Variants in PLA2G4F observed in about 807,000 individuals in gnomAD.
PLA2G4F encodes the protein phospholipase A2 group IVF, also known as cytosolic phospholipase A2 zeta.
In PLA2G4F, 105 loss-of-function variants were observed where a neutral mutation model predicts 103.1. The ratio of observed to expected loss-of-function variants is 1.02; its 90% confidence interval spans 0.87 to 1.20. The LOEUF (loss-of-function observed/expected upper bound fraction) is 1.20. Among genes scored for constraint, PLA2G4F ranks in the 50% most tolerant of loss-of-function variants. The pLI is 0.00. For missense variants in PLA2G4F, 1,155 were observed against 1,075.9 expected (o/e 1.07, Z -1.03); for synonymous variants, 468 against 441.1 (o/e 1.06, Z -0.76).
chr15:42,149,218 CAG>C (rs2140809266), intron 11 of PLA2G4F: 2 of 946,390 alleles, frequency 2.1e-6, no homozygotes, highest in Non-Finnish European at 2.5e-6. Flanking sequence ...TATTTGGAAA[CAG>C]GGCCTACAAG....
In PLA2G4F at chr15:42,145,727, C is replaced by G. The variant is rs542362062; in HGVS notation, c.1672+39G>C. The G allele has an allele frequency of 1.0e-4, 167 of 1,613,480 alleles. 3 individuals carry two copies. The Middle Eastern group carries it at 2.8e-3, about 27-fold the overall frequency. On this transcript the variant is annotated intron_variant, in intron 15 of 19. Coordinates refer to ENST00000397272, the MANE Select transcript of PLA2G4F (RefSeq NM_213600.4). Reference sequence around the variant, plus strand: ...CCCACCCCACGTCAGGGCCTGGCCCCGGCACCTGCCTGTCCCCAGCCCTCC... The same window carrying G: ...CCCACCCCACGTCAGGGCCTGGCCCGGGCACCTGCCTGTCCCCAGCCCTCC...
At chr15:42,147,386 C>T in intron 12 of PLA2G4F, 40 bp from the exon 13 acceptor site, 1 of 1,566,636 alleles carries the variant, frequency 6.4e-7, no homozygotes, top group South Asian at 1.1e-5. Flanking sequence ...GGCAGGAGAG[C>T]ACAGCCACGG....
chr15:42,141,947 T>C lies in PLA2G4F; in HGVS notation c.*37A>G, dbSNP rs1244490503. On this transcript the variant is annotated 3_prime_UTR_variant, in exon 20 of 20. Coordinates refer to ENST00000397272, the MANE Select transcript of PLA2G4F (RefSeq NM_213600.4). ...ACAAGCCCTGACCATGAGCAGTGTGTCTCCTCTCTGTCACAGTCCTCCGCT... is the reference window on the plus strand; with the variant it reads ...ACAAGCCCTGACCATGAGCAGTGTGCCTCCTCTCTGTCACAGTCCTCCGCT... 1.3e-6 allele frequency: 2 copies of C among 1,571,186 alleles called. No homozygotes were observed. The highest frequency in any genetic ancestry group is 1.7e-6 in the Non-Finnish European group (2 of 1,145,430).
Position 42,142,041 on chromosome 15 carries a change from C to T in PLA2G4F, c.2493G>A (p.Lys831=). The change falls in exon 20 of 20, where the codon AAG becomes AAA. Residue 831 remains lysine (K), a synonymous_variant. Transcript: ENST00000397272. ...YNVLNNVETL[K]CALQLALDRH... is the part of the protein sequence containing the mutation. Reference sequence around the variant, plus strand: ...GGTCCAGAGCCAGCTGGAGGGCGCACTTCAAGGTCTCCACGTTGTTCAGGA... The same window carrying T: ...GGTCCAGAGCCAGCTGGAGGGCGCATTTCAAGGTCTCCACGTTGTTCAGGA... 2 of 1,614,184 alleles carry T rather than the reference C, an allele frequency of 1.2e-6. No homozygotes were observed. The highest frequency in any genetic ancestry group is 1.7e-6 in the Non-Finnish European group (2 of 1,180,040).
In PLA2G4F at chr15:42,146,172, T is replaced by A; in HGVS notation, c.1489A>T (p.Thr497Ser). Residue 497 changes from threonine to serine, a missense_variant, in exon 14 of 20, where the codon ACC becomes TCC. Physicochemically the swap from Thr to Ser is moderately conservative, Grantham distance 58 (BLOSUM62 1). Transcript: ENST00000397272. ...AAGTTGGTGCGGACGTTGACACTGG[T>A]GTAAATGGGGTAAGGGTTCTGACCC... Reference protein sequence around the residue: ...RQGQNPYPIYTSVNVRTNLSG... With the variant: ...RQGQNPYPIYSSVNVRTNLSG... The A allele has an allele frequency of 1.2e-6, 2 of 1,614,176 alleles. No individual in the cohort carries two copies. The highest frequency in any genetic ancestry group is 8.5e-7 in the Non-Finnish European group (1 of 1,180,028).
chr15:42,149,833 G>A lies in PLA2G4F; in HGVS notation c.939C>T (p.Asp313=). The A allele has an allele frequency of 1.2e-6, 2 of 1,614,170 alleles. No individual in the cohort carries two copies. Among genetic ancestry groups the A allele is most frequent in the East Asian group, 2.2e-5 (1 of 44,874 alleles). ...MKVEMSSGDL[D]LRLGFDLSDG... is the part of the protein sequence containing the mutation. ...CAGAGAGGTCAAAGCCAAGGCGTAG[G>A]TCTAGGTCCCCGGAGCTGCCTCAAG... is the stretch of plus-strand genomic sequence containing the variant. Residue 313 remains aspartate, a synonymous_variant, in exon 11 of 20, where the codon GAC becomes GAT. Transcript: ENST00000397272.
In PLA2G4F at chr15:42,144,089, G is replaced by C. The variant is rs752622745; in HGVS notation, c.2031C>G (p.Tyr677Ter). ...TGATGGCAAAGCCTCCGTCCACCAG[G>C]TACAGGCAGTCCCGCATGGGGGTGA... ...NQLTPMRDCLYLVDGGFAINS... is the reference protein window; with the variant it reads ...NQLTPMRDCL Residue 677 changes from tyrosine (Y) to a stop codon, truncating the protein, a stop_gained, in exon 18 of 20, where the codon TAC becomes TAG. Coordinates refer to ENST00000397272, the MANE Select transcript of PLA2G4F (RefSeq NM_213600.4). LOFTEE classifies it high-confidence loss of function. The C allele has an allele frequency of 2.5e-6, 4 of 1,613,914 alleles. No homozygotes were observed.
Position 42,142,129 on chromosome 15 carries a change from A to G in PLA2G4F, c.2405T>C (p.Met802Thr). Residue 802 changes from methionine (M) to threonine (T), a missense_variant, in exon 20 of 20, where the codon ATG becomes ACG. Coordinates refer to ENST00000397272, the MANE Select transcript of PLA2G4F (RefSeq NM_213600.4). ...VINRPDTPYG[M>T]MNFTYEPQDF... ...CTGGGGCTCATAGGTGAAGTTCATC[A>G]TGCCATAGGGGGTGTCTGGCCTGTT... The G allele has an allele frequency of 1.2e-6, 2 of 1,614,184 alleles. No homozygotes were observed. Among genetic ancestry groups the G allele is most frequent in the Non-Finnish European group, 1.7e-6 (2 of 1,180,024 alleles).
chr15:42,150,912 T>A, intron 7 of PLA2G4F, 135 bp from the exon 8 acceptor site: 1 of 1,463,076 alleles, frequency 6.8e-7, no homozygotes, highest in Non-Finnish European at 9.0e-7. Flanking sequence ...TCGCCCGCTC[T>A]CTCTTGAGCA....
At chr15:42,150,283 C>A in intron 9 of PLA2G4F, 90 bp downstream of exon 9, 1 of 1,531,612 alleles carries the variant, frequency 6.5e-7, no homozygotes, top group Non-Finnish European at 8.9e-7. Context: ...TGACCTGATC[C>A]AGCCACCCTC....
At chr15:42,156,272 A>AT (rs1265409459) in intron 1 of PLA2G4F, among the ~76,000 whole-genome samples, 167 bp downstream of exon 1, 1 of 152,168 alleles carries the variant, frequency 6.6e-6, no homozygotes, top group Non-Finnish European at 1.5e-5. Flanking sequence ...GGAGGGAGCT[A>AT]TTTTTAAGAG....
intron 16 of PLA2G4F, among the ~76,000 whole-genome samples, chr15:42,145,223 A>G (rs1168437698): frequency 2.0e-5 from 3 of 152,222 alleles, no homozygotes; most frequent in Non-Finnish European, 4.4e-5. Flanking sequence ...ACTGAAGAAC[A>G]GAGCAAAAGT....
intron 1 of PLA2G4F, among the ~76,000 whole-genome samples, chr15:42,156,051 A>ACCGG (rs1027476685): frequency 6.6e-6 from 1 of 152,026 alleles, no homozygotes; most frequent in African/African-American, 2.4e-5. Context: ...GCCGAGAGTC[A>ACCGG]CCGGCCGGCC....
chr15:42,150,753 A>G lies in PLA2G4F; in HGVS notation c.626T>C (p.Val209Ala). Residue 209 changes from valine to alanine, a missense_variant, in exon 8 of 20, where the codon GTG (valine) becomes GCG (alanine). Around this residue, in one of 3 missense-constraint regions of PLA2G4F, gnomAD observed 370 missense variants for 364.9 expected, o/e 1.01. Coordinates refer to ENST00000397272, the MANE Select transcript of PLA2G4F (RefSeq NM_213600.4). ...EYGSRQLQLA[V>A]PGAYEKPQLL... The stretch of plus-strand genomic sequence containing the variant: ...CTGTGGCTTCTCGTAGGCTCCAGGC[A>G]CTGCCAGCTGGAGCTGCCTAGAGCC... The G allele has an allele frequency of 6.2e-7, 1 of 1,609,446 alleles. No homozygotes were observed. Among genetic ancestry groups the G allele is most frequent in the Non-Finnish European group, 8.5e-7 (1 of 1,178,624 alleles).
chr15:42,145,432 G>A (rs2048871358), intron 16 of PLA2G4F, 143 bp downstream of exon 16: 2 of 818,032 alleles, frequency 2.4e-6, no homozygotes, highest in Non-Finnish European at 4.0e-6. Flanking sequence ...GACACCCTAA[G>A]CTAGAAGTCA....
intron 11 of PLA2G4F, chr15:42,147,970 C>G (rs531622277): frequency 3.2e-6 from 1 of 308,352 alleles, no homozygotes; most frequent in African/African-American, 2.3e-5. Context: ...GCGGGCGGAT[C>G]ATGAGGTCAG....
In PLA2G4F at chr15:42,148,114, G is replaced by A. The variant is rs140302803; in HGVS notation, c.1060-352C>T. On this transcript the variant is annotated intron_variant, in intron 11 of 19. Transcript: ENST00000397272. ...GGAGAATGGCGTGAACCCAGGAGGC[G>A]GAGCTTGCAGTGAACTGAAATTTCA... Among the ~76,000 whole-genome samples, 174 of 150,998 alleles carry A rather than the reference G, an allele frequency of 1.2e-3. 3 individuals are homozygous for A. The East Asian group carries it at 0.028, about 25-fold the overall frequency.
At chr15:42,146,606 G>A in intron 13 of PLA2G4F, 1 of 247,416 alleles carries the variant, frequency 4.0e-6, no homozygotes, top group Non-Finnish European at 8.0e-6. Context: ...TTAGAAATGA[G>A]AAATCACTTG....
intron 11 of PLA2G4F, chr15:42,149,147 TAC>T (rs1406672590): frequency 8.1e-6 from 8 of 985,316 alleles, no homozygotes; most frequent in Non-Finnish European, 9.6e-6. Flanking sequence ...TTGATCACAT[TAC>T]AGACTCAACT....
Sources: gnomAD v4.1 joint callset for allele counts (sites outside exome capture counted in the v4.1 genomes callset) on GRCh38, gnomAD v4.1.1 for gene constraint, gnomAD v4.1.1 regional missense constraint, MANE v1.5 for transcripts, NCBI Gene and HGNC (gene_info 2026-07-23, HGNC 2026-07-21) for gene names.